The following PEAK1 variants were observed in gnomAD, a reference collection of about 807,000 sequenced individuals.
PEAK1 encodes pseudopodium enriched atypical kinase 1, also known as inactive tyrosine-protein kinase PEAK1.
PEAK1 carries 54 observed loss-of-function variants against 124.7 expected under a neutral mutation model. That is an observed-to-expected ratio of 0.43 (90% CI 0.35 to 0.54). The LOEUF (loss-of-function observed/expected upper bound fraction) is 0.54. Ranked by LOEUF, PEAK1 falls within the 20% of genes least tolerant of loss-of-function variation. The pLI is 0.01. For missense variants in PEAK1, 2,046 were observed against 2,134.5 expected (o/e 0.96, Z 0.82); for synonymous variants, 719 against 760.0 (o/e 0.95, Z 0.89).
Position 77,181,177 on chromosome 15 carries a change from C to T in PEAK1, c.750G>A (p.Glu250=). ...GCTCTTCATCACTCTCATCCCAACT[C>T]TCGTGCTCCTCCTCCATGTTACTGA... The part of the protein sequence containing the change: ...VLFSNMEEEH[E]SWDESDEELL... Residue 250 remains glutamate, a synonymous_variant, in exon 7 of 10, where the codon GAG becomes GAA. Transcript: ENST00000682557. 1.2e-6 allele frequency: 2 copies of T among 1,614,170 alleles called. No individual in the cohort carries two copies.
intron 6 of PEAK1, among the ~76,000 whole-genome samples, chr15:77,234,524 A>G (rs1468317195): frequency 2.0e-5 from 3 of 152,218 alleles, no homozygotes; most frequent in African/African-American, 7.2e-5. Context: ...AAATAGTAAA[A>G]GGAATAAATC....
chr15:77,276,302 T>G (rs1262917111), intron 5 of PEAK1, among the ~76,000 whole-genome samples: 1 of 152,118 alleles, frequency 6.6e-6, no homozygotes, highest in African/African-American at 2.4e-5. Context: ...AAAGTCAAAC[T>G]TCTGAAAACT....
intron 1 of PEAK1, among the ~76,000 whole-genome samples, chr15:77,383,119 G>A (rs2069625241): frequency 6.6e-6 from 1 of 151,496 alleles, no homozygotes; most frequent in Non-Finnish European, 1.5e-5. Context: ...CGTTGCCCGG[G>A]TTCAAGCAAG....
intron 2 of PEAK1, among the ~76,000 whole-genome samples, chr15:77,319,662 C>G (rs2065077281): frequency 6.6e-6 from 1 of 152,146 alleles, no homozygotes; most frequent in Non-Finnish European, 1.5e-5. Context: ...ACCACTTCAA[C>G]TAGCCAATAT....
At chr15:77,190,327 C>T (rs1355732985) in intron 6 of PEAK1, among the ~76,000 whole-genome samples, 2 of 152,116 alleles carry the variant, frequency 1.3e-5, no homozygotes, top group African/African-American at 2.4e-5. Flanking sequence ...ACTAGTCTTT[C>T]CTAGTGCAGA....
intron 5 of PEAK1, among the ~76,000 whole-genome samples, chr15:77,279,488 T>A (rs1372805032): frequency 1.3e-5 from 2 of 152,226 alleles, no homozygotes; most frequent in Non-Finnish European, 2.9e-5. Context: ...GTTCCAGTGA[T>A]ACCACTGAGA....
chr15:77,140,568 T>C (rs1203446362), intron 8 of PEAK1, among the ~76,000 whole-genome samples: 1 of 151,962 alleles, frequency 6.6e-6, no homozygotes, highest in Non-Finnish European at 1.5e-5. Flanking sequence ...TAATACTCAA[T>C]GAACTAGAAA....
At chr15:77,272,054 A>G (rs1477744578) in intron 5 of PEAK1, among the ~76,000 whole-genome samples, 1 of 151,982 alleles carries the variant, frequency 6.6e-6, no homozygotes, top group African/African-American at 2.4e-5. Context: ...AAATTAACAG[A>G]TTATTTGAAC....
chr15:77,390,476 A>G (rs2070363676), intron 1 of PEAK1, among the ~76,000 whole-genome samples: 1 of 152,230 alleles, frequency 6.6e-6, no homozygotes, highest in African/African-American at 2.4e-5. Flanking sequence ...ATGTGCTATC[A>G]TATGCTCAAC....
chr15:77,337,083 G>T, intron 2 of PEAK1: 1 of 964,430 alleles, frequency 1.0e-6, no homozygotes, highest in Non-Finnish European at 1.2e-6. Context: ...AAAAAGAGAA[G>T]ACAACAAAGT....
At chr15:77,202,805 G>T (rs544955853) in intron 6 of PEAK1, among the ~76,000 whole-genome samples, 2 of 151,612 alleles carry the variant, frequency 1.3e-5, no homozygotes, top group Admixed American at 6.6e-5. Flanking sequence ...GGGAGGCCGA[G>T]GTGGGCAGAC....
chr15:77,257,094 T>C (rs1236069114), intron 5 of PEAK1, among the ~76,000 whole-genome samples: 6 of 152,216 alleles, frequency 3.9e-5, no homozygotes, highest in Non-Finnish European at 8.8e-5. Context: ...CCATGGTGCA[T>C]ACGTGTCACA....
chr15:77,383,046 G>T (rs2069615378), intron 1 of PEAK1, among the ~76,000 whole-genome samples: 2 of 118,896 alleles, frequency 1.7e-5, no homozygotes, highest in East Asian at 2.4e-4. Flanking sequence ...TTTTTGACAC[G>T]AAGTCTTGCT....
At chr15:77,402,808 G>A (rs1360010736) in intron 1 of PEAK1, 1 of 984,966 alleles carries the variant, frequency 1.0e-6, no homozygotes, top group Non-Finnish European at 1.2e-6. Flanking sequence ...ATTCAGGATA[G>A]ATAAAAGCCA....
chr15:77,122,397 G>T (rs1019034477), intron 9 of PEAK1, among the ~76,000 whole-genome samples: 1 of 152,138 alleles, frequency 6.6e-6, no homozygotes, highest in South Asian at 2.1e-4. Flanking sequence ...AAAATAACTT[G>T]TGTTCCTGAG....
At chr15:77,282,066 C>T (rs2152968620) in intron 5 of PEAK1, among the ~76,000 whole-genome samples, 1 of 152,306 alleles carries the variant, frequency 6.6e-6, no homozygotes, top group Admixed American at 6.5e-5. Context: ...ATAATTCTAT[C>T]ACCATGTTAA....
chr15:77,370,749 G>A lies in PEAK1; in HGVS notation c.-665-5524C>T, dbSNP rs188168525. The A allele has an allele frequency of 5.8e-5, 57 of 984,358 alleles. No individual in the cohort carries two copies. In the Admixed American group the frequency reaches 2.3e-3, roughly 41 times the overall value. The allele number at this position is 984,358 out of a possible 1,614,324, so 61.0% of individuals were successfully genotyped here. ...TGTGAACATAAAAATCCAACACATC[G>A]AGCCAGGCACGGTGACTCATGCCTG... On this transcript the variant is annotated intron_variant, in intron 1 of 9. Coordinates refer to ENST00000682557, the MANE Select transcript of PEAK1 (RefSeq NM_001385026.1).
chr15:77,391,476 C>CAAAAAAAA (rs536286745), intron 1 of PEAK1, among the ~76,000 whole-genome samples: 10 of 68,302 alleles, frequency 1.5e-4, no homozygotes, highest in African/African-American at 3.0e-4. Flanking sequence ...TAACTCATGG[C>CAAAAAAAA]AAAAAAAAAA....
At chr15:77,391,456 G>A (rs544451286) in intron 1 of PEAK1, among the ~76,000 whole-genome samples, 3 of 128,140 alleles carry the variant, frequency 2.3e-5, no homozygotes, top group Non-Finnish European at 3.1e-5. Flanking sequence ...AAAGGGTACT[G>A]GCACCAACCT....
Sources: gnomAD v4.1 joint callset for allele counts (sites outside exome capture counted in the v4.1 genomes callset) on GRCh38, gnomAD v4.1.1 for gene constraint, MANE v1.5 for transcripts, NCBI Gene and HGNC (gene_info 2026-07-23, HGNC 2026-07-21) for gene names.